SPATA21: variants seen among roughly 807,000 people sequenced by gnomAD.
SPATA21 encodes spermatogenesis associated 21.
SPATA21 carries 47 observed loss-of-function variants against 54.8 expected under a neutral mutation model. The observed-to-expected ratio is 0.86, with a 90% confidence interval of 0.68 to 1.09. The LOEUF is 1.09. Among genes scored for constraint, SPATA21 ranks in the 50% least tolerant of loss-of-function variants. The pLI is 0.00. For synonymous variants in SPATA21, 245 were observed against 235.3 expected, an observed-to-expected ratio of 1.04 and a Z score of -0.38; for missense variants, 599 against 596.4, an observed-to-expected ratio of 1.00 and a Z score of -0.05.
At chr1:16,408,860 A>C (rs1570123192) in intron 7 of SPATA21, among the ~76,000 whole-genome samples, 1 of 106,538 alleles carries the variant, frequency 9.4e-6, no homozygotes. Context: ...ACAGAGCGAG[A>C]CTCTGTCTCA....
In SPATA21 at chr1:16,432,289, T is replaced by A. The variant is rs201614035; in HGVS notation, c.-52+501A>T. Among the ~76,000 whole-genome samples the A allele has an allele frequency of 5.9e-5, 9 of 151,976 alleles. No homozygotes were observed. In the East Asian group the frequency reaches 1.7e-3, roughly 29 times the overall value. On this transcript the variant is annotated intron_variant, in intron 2 of 12. Coordinates refer to ENST00000335496, the MANE Select transcript of SPATA21 (RefSeq NM_198546.1). ...GGCGGCCGCCACCATGCCCGGCTAA[T>A]TTTTGTATTTTTAGTAGAGATGGGG...
chr1:16,421,191 C>T lies in SPATA21; in HGVS notation c.144+318G>A, dbSNP rs117895261. Reference sequence around the variant, plus strand: ...ATGCTTTGGATTGTGTGGCTGTGGCCGAGGGCAAATGGGTGGAAGAAATCC... The same window carrying T: ...ATGCTTTGGATTGTGTGGCTGTGGCTGAGGGCAAATGGGTGGAAGAAATCC... On this transcript the variant is annotated intron_variant, in intron 5 of 12. Transcript: ENST00000335496. The surrounding 1 kb of genome is among the most constrained non-coding windows in gnomAD (Gnocchi z 5.2). Among the ~76,000 whole-genome samples, 190 of 152,000 alleles carry T rather than the reference C, an allele frequency of 1.3e-3. 4 individuals carry two copies. The East Asian group carries it at 0.034, about 28-fold the overall frequency.
chr1:16,431,454 A>T, intron 2 of SPATA21, 32 bp from the exon 3 acceptor site: 1 of 1,584,308 alleles, frequency 6.3e-7, no homozygotes, highest in Non-Finnish European at 8.6e-7. Flanking sequence ...GCGTCCCACC[A>T]AGCCCATCAC....
chr1:16,416,697 A>T (rs2086018099), intron 5 of SPATA21, among the ~76,000 whole-genome samples: 2 of 151,238 alleles, frequency 1.3e-5, no homozygotes, highest in South Asian at 4.2e-4. Context: ...AAAAAAAAAG[A>T]ATGTGGTGGG....
intron 5 of SPATA21, among the ~76,000 whole-genome samples, chr1:16,418,340 C>T (rs929945708): frequency 3.3e-4 from 50 of 152,192 alleles, no homozygotes; most frequent in African/African-American, 1.0e-3. Context: ...GGCGTGATCT[C>T]GGCTCACTGG....
chr1:16,430,289 A>G (rs2086427387), intron 3 of SPATA21, among the ~76,000 whole-genome samples: 1 of 151,796 alleles, frequency 6.6e-6, no homozygotes, highest in Non-Finnish European at 1.5e-5. Context: ...ATAGTTGGGT[A>G]TGGTGGCACA....
rs1366095689 is a variant in SPATA21 at position 16,415,520 on chromosome 1, G to A, written c.145-5477C>T. Among the ~76,000 whole-genome samples the A allele has an allele frequency of 1.3e-5, 2 of 152,140 alleles. 1 individual carries two copies. ...TGCAGATACAGACTCTGAGCCCCAA[G>A]GTGGGTAGAAGTCTGTCTCAGAATG... On this transcript the variant is annotated intron_variant, in intron 5 of 12. Transcript: ENST00000335496.
Position 16,400,827 on chromosome 1 carries a change from C to T in SPATA21, c.1067G>A (p.Arg356Gln), listed in dbSNP as rs745486512. The T allele has an allele frequency of 3.2e-5, 52 of 1,614,110 alleles. No individual in the cohort carries two copies. Among genetic ancestry groups the T allele is most frequent in the South Asian group, 4.4e-5 (4 of 91,092 alleles). ...KAQEMEAAVG[R>Q]LRLQKLPYNP... is the part of the protein sequence containing the mutation. Reference sequence around the variant, plus strand: ...GTAGGGAAGCTTCTGCAACCGCAGCCGGCCTACGGCCGCTTCCATCTCCTG... The same window carrying T: ...GTAGGGAAGCTTCTGCAACCGCAGCTGGCCTACGGCCGCTTCCATCTCCTG... Residue 356 changes from arginine to glutamine, a missense_variant, in exon 11 of 13, where the codon CGG (arginine) becomes CAG (glutamine). By Grantham distance (43) the Arg-to-Gln change is conservative (BLOSUM62 1). Coordinates refer to ENST00000335496, the MANE Select transcript of SPATA21 (RefSeq NM_198546.1).
intron 3 of SPATA21, chr1:16,424,908 C>T (rs1259200410): frequency 1.1e-5 from 3 of 282,414 alleles, no homozygotes. Context: ...GGAAACAAGA[C>T]TTATTTTTAT....
At chr1:16,410,181 C>T in intron 5 of SPATA21, 138 bp from the exon 6 acceptor site, 1 of 674,950 alleles carries the variant, frequency 1.5e-6, no homozygotes, top group Non-Finnish European at 2.4e-6. Flanking sequence ...CCCCAAATCT[C>T]ACATGCACCC....
At chr1:16,420,986 A>T (rs1182540003) in intron 5 of SPATA21, among the ~76,000 whole-genome samples, 1 of 152,146 alleles carries the variant, frequency 6.6e-6, no homozygotes, top group Non-Finnish European at 1.5e-5. Flanking sequence ...GAGTTTAGCC[A>T]GGGTGGGGTT....
chr1:16,420,456 G>C (rs2100857027), intron 5 of SPATA21, among the ~76,000 whole-genome samples: 1 of 152,080 alleles, frequency 6.6e-6, no homozygotes, highest in East Asian at 1.9e-4. Flanking sequence ...GGTGGAGGTT[G>C]CAGTGAGCCG....
At chr1:16,404,876 T>G (rs953027359) in intron 8 of SPATA21, 91 bp downstream of exon 8, 19 of 1,370,134 alleles carry the variant, frequency 1.4e-5, no homozygotes, top group Admixed American at 1.2e-4. Flanking sequence ...CACAGGATCC[T>G]TTAGGTGCAG....
chr1:16,399,958 G>T (rs534994147), intron 11 of SPATA21, among the ~76,000 whole-genome samples: 41 of 152,256 alleles, frequency 2.7e-4, no homozygotes, highest in African/African-American at 9.1e-4. Context: ...GTCAGACCTG[G>T]ATATAAACTC....
chr1:16,400,557 G>A (rs948543536), intron 11 of SPATA21, 163 bp downstream of exon 11: 4 of 1,439,814 alleles, frequency 2.8e-6, no homozygotes, highest in Middle Eastern at 2.6e-4. Context: ...GGAAAATAGT[G>A]ATTATCAGCC....
At chr1:16,403,926 C>T in intron 9 of SPATA21, 42 bp downstream of exon 9, 2 of 1,612,650 alleles carry the variant, frequency 1.2e-6, no homozygotes, top group Non-Finnish European at 1.7e-6. Context: ...ACCTCCCAGC[C>T]CCTCCTCCAG....
At chr1:16,425,547 C>A (rs2100878839) in intron 3 of SPATA21, 1 of 1,549,148 alleles carries the variant, frequency 6.5e-7, no homozygotes, top group East Asian at 2.5e-5. Context: ...GGAGGCTGAT[C>A]CTCCCCGATT....
chr1:16,425,685 G>A, intron 3 of SPATA21: 6 of 1,550,208 alleles, frequency 3.9e-6, no homozygotes, highest in African/African-American at 1.4e-5. Context: ...TGGCCTGCTT[G>A]CAGCTCCTGG....
At position 16,421,390 on chromosome 1, in the gene SPATA21, G is replaced by T; in HGVS notation, c.144+119C>A. 3 of 988,948 alleles carry T rather than the reference G, an allele frequency of 3.0e-6. No homozygotes were observed. The highest frequency in any genetic ancestry group is 3.0e-6 in the Non-Finnish European group (2 of 670,374). 61.3% of individuals were successfully genotyped at this position (988,948 alleles called of 1,614,324 possible). A position where few individuals can be genotyped will look rare whatever the true frequency, so the allele number is the denominator to read the frequency against. ...ACACACAGCCACACACACCTTCCTT[G>T]GTTTGACTCCAAATAGGGGTTTGAC... is the stretch of plus-strand genomic sequence containing the variant. On this transcript the variant is annotated intron_variant, in intron 5 of 12. Coordinates refer to ENST00000335496, the MANE Select transcript of SPATA21 (RefSeq NM_198546.1). This position sits in a 1 kb window ranked among gnomAD's most constrained non-coding sequence, Gnocchi z 5.2.
Sources: allele counts gnomAD v4.1 joint callset (sites outside exome capture counted in the v4.1 genomes callset), GRCh38; gene constraint gnomAD v4.1.1; non-coding constraint Gnocchi (gnomAD v3.1); transcripts MANE v1.5; gene names NCBI Gene and HGNC (gene_info 2026-07-23, HGNC 2026-07-21).